Variants in MID1 observed in about 807,000 individuals in gnomAD.
The protein encoded by MID1 is midline 1.
Under a neutral mutation model 40.4 loss-of-function variants are expected in MID1, and 7 were observed. That is an observed-to-expected ratio of 0.17 (90% CI 0.10 to 0.33). The LOEUF (loss-of-function observed/expected upper bound fraction) is 0.33. Ranked by LOEUF, MID1 falls within the 10% of genes least tolerant of loss-of-function variation. The pLI, the probability that MID1 is intolerant of heterozygous loss-of-function variation, is 1.00. For synonymous variants in MID1, 229 were observed against 221.2 expected (o/e 1.04, Z -0.31); for missense variants, 367 against 558.5 (o/e 0.66, Z 3.46).
At chrX:10,578,017 G>C (rs1313329657) in intron 1 of MID1, among the ~76,000 whole-genome samples, 2 of 112,014 alleles carry the variant, frequency 1.8e-5, no homozygotes, top group Non-Finnish European at 3.8e-5. Context: ...ATGATAAAGG[G>C]GAAGCAGAGG....
rs151312636 is a variant in MID1 at position 10,817,035 on chromosome X, C to T, written c.-187+16519G>A. 5.3e-3 allele frequency among the ~76,000 whole-genome samples: 599 copies of T among 111,972 alleles called. 4 individuals are homozygous for T. Among genetic ancestry groups the T allele is most frequent in the African/African-American group, 0.018 (562 of 30,834 alleles). ...CGACATTCAGGTAGGATATTTCAAG[C>T]CCTTTGATGTTGAACTTTTAGGTGT... On this transcript the variant is annotated intron_variant, in intron 1 of 10. Transcript: ENST00000380785.
chrX:10,769,427 T>C (rs2043750907), intron 1 of MID1, among the ~76,000 whole-genome samples: 1 of 111,751 alleles, frequency 8.9e-6, no homozygotes, highest in South Asian at 3.8e-4. Flanking sequence ...ATGGGAGACA[T>C]GGGAGAAGCA....
At chrX:10,462,658 T>A (rs752400277) in intron 7 of MID1, among the ~76,000 whole-genome samples, 1 of 105,534 alleles carries the variant, frequency 9.5e-6, no homozygotes, top group African/African-American at 3.8e-5. Context: ...ATTTTATACA[T>A]TTTTTTTTTC....
At chrX:10,677,391 A>C (rs916908188) in intron 1 of MID1, 4 of 112,429 alleles carry the variant, frequency 3.6e-5, no homozygotes, top group South Asian at 3.7e-4. Flanking sequence ...CAAATATCTT[A>C]CATATATTCC....
rs1295356594 is a variant in MID1, at chrX:10,642,434, T to A, written c.-186-22015A>T. On this transcript the variant is annotated intron_variant, in intron 1 of 10. Transcript: ENST00000380785. ...CACAATTGCTTCAAAGAGAATAAAA[T>A]ACCTAGGAATCCAACTTACAAGGGA... Among the ~76,000 whole-genome samples the A allele has an allele frequency of 1.7e-4, 19 of 109,432 alleles. 1 individual carries two copies. Among genetic ancestry groups the A allele is most frequent in the African/African-American group, 6.1e-4 (18 of 29,522 alleles).
At chrX:10,489,557 C>A (rs1930813713) in intron 4 of MID1, among the ~76,000 whole-genome samples, 2 of 112,217 alleles carry the variant, frequency 1.8e-5, no homozygotes, top group South Asian at 7.4e-4. Context: ...TATGAATCTA[C>A]TTCTCAAGTC....
At chrX:10,824,936 C>T (rs2044204588) in intron 1 of MID1, among the ~76,000 whole-genome samples, 1 of 111,388 alleles carries the variant, frequency 9.0e-6, no homozygotes, top group Non-Finnish European at 1.9e-5. Flanking sequence ...CAATCTTCCA[C>T]CCAAACATTA....
intron 2 of MID1, among the ~76,000 whole-genome samples, chrX:10,525,913 G>A (rs779024128): frequency 8.9e-6 from 1 of 112,403 alleles, no homozygotes; most frequent in East Asian, 2.8e-4. Context: ...CACTTCTTGG[G>A]AGTAGCCCAG....
intron 3 of MID1, chrX:10,506,604 A>G (rs1312751849): frequency 2.1e-6 from 1 of 484,099 alleles, no homozygotes; most frequent in Non-Finnish European, 3.7e-6. Flanking sequence ...GGAGGGGCAG[A>G]AAAAGTTCCC....
At chrX:10,488,025 G>C (rs983756192) in intron 4 of MID1, among the ~76,000 whole-genome samples, 2 of 94,721 alleles carry the variant, frequency 2.1e-5, no homozygotes, top group Non-Finnish European at 4.1e-5. Context: ...TCTATCACCC[G>C]GGCTGGAGTG....
intron 2 of MID1, among the ~76,000 whole-genome samples, chrX:10,523,669 G>GTAT (rs1403992665): frequency 8.9e-6 from 1 of 112,063 alleles, no homozygotes; most frequent in Non-Finnish European, 1.9e-5. Flanking sequence ...GTCATTTATA[G>GTAT]ACATTTATGA....
At chrX:10,764,295 T>G (rs966981919) in intron 1 of MID1, among the ~76,000 whole-genome samples, 3 of 111,880 alleles carry the variant, frequency 2.7e-5, no homozygotes, top group African/African-American at 9.8e-5. Flanking sequence ...TTTTTATGGT[T>G]TTACGTCTTA....
At chrX:10,674,595 G>A (rs1255872807) in intron 1 of MID1, among the ~76,000 whole-genome samples, 1 of 112,217 alleles carries the variant, frequency 8.9e-6, no homozygotes, top group Non-Finnish European at 1.9e-5. Flanking sequence ...TAAACTTGAC[G>A]CTCTCAGGTT....
At chrX:10,466,559 A>ATCTT (rs937328652) in intron 7 of MID1, among the ~76,000 whole-genome samples, 1 of 111,505 alleles carries the variant, frequency 9.0e-6, no homozygotes, top group African/African-American at 3.3e-5. Context: ...GAGATTTCCC[A>ATCTT]TCTTTCCTCA....
At chrX:10,531,549 G>T (rs920607258) in intron 2 of MID1, among the ~76,000 whole-genome samples, 4 of 111,996 alleles carry the variant, frequency 3.6e-5, no homozygotes, top group African/African-American at 1.3e-4. Context: ...TGTTTACCTT[G>T]TCAGGTTTTA....
rs2043843817 is a variant in MID1 at position 10,781,288 on chromosome X, A to C, written c.-187+52266T>G. Among the ~76,000 whole-genome samples, 4 of 111,701 alleles carry C rather than the reference A, an allele frequency of 3.6e-5. No homozygotes were observed. The South Asian group carries it at 1.5e-3, about 43-fold the overall frequency. ...TATATGAAATAAAATCTCCTTTCCT[A>C]GCTTCATGGGAATTTGCCTCAAACA... On this transcript the variant is annotated intron_variant, in intron 1 of 10. Transcript: ENST00000380785.
chrX:10,742,246 A>T (rs2043527690), intron 1 of MID1, among the ~76,000 whole-genome samples: 1 of 111,979 alleles, frequency 8.9e-6, no homozygotes, highest in Admixed American at 9.5e-5. Flanking sequence ...TTTAATAAAG[A>T]TCAAAGATTA....
chrX:10,545,042 C>T, intron 2 of MID1, among the ~76,000 whole-genome samples: 1 of 109,773 alleles, frequency 9.1e-6, no homozygotes. Flanking sequence ...CTGCAACCTC[C>T]ACCTACCAGG....
intron 1 of MID1, among the ~76,000 whole-genome samples, chrX:10,695,821 G>T (rs1293737215): frequency 8.9e-6 from 1 of 112,077 alleles, no homozygotes; most frequent in Non-Finnish European, 1.9e-5. Context: ...CATTTGAAAT[G>T]CAGTGAGTCT....
Sources: gnomAD v4.1 joint callset for allele counts (sites outside exome capture counted in the v4.1 genomes callset) on GRCh38, gnomAD v4.1.1 for gene constraint, MANE v1.5 for transcripts, NCBI Gene and HGNC (gene_info 2026-07-23, HGNC 2026-07-21) for gene names.